The following ITPR1 variants were observed in gnomAD, a reference collection of about 807,000 sequenced individuals.
ITPR1 encodes inositol 1,4,5-trisphosphate receptor type 1, also known as inositol 1,4,5-trisphosphate-gated calcium channel ITPR1.
A neutral mutation model predicts 318.4 loss-of-function variants in ITPR1; 96 were observed. The ratio of observed to expected loss-of-function variants is 0.30; its 90% CI spans 0.26 to 0.36. ITPR1 has a LOEUF of 0.36. Among genes scored for constraint, ITPR1 ranks in the 10% least tolerant of loss-of-function variants. The pLI is 1.00. For synonymous variants in ITPR1, 1,312 were observed against 1,289.9 expected (o/e 1.02, Z -0.37); for missense variants, 2,440 against 3,460.2 (o/e 0.71, Z 7.40).
At chr3:4,525,029 G>A (rs953530277) in intron 4 of ITPR1, among the ~76,000 whole-genome samples, 2 of 152,090 alleles carry the variant, frequency 1.3e-5, no homozygotes, top group Non-Finnish European at 2.9e-5. Flanking sequence ...TTAGTACAGA[G>A]CCTGGTACTT....
At chr3:4,809,584 CT>C (rs1048539252) in intron 55 of ITPR1, among the ~76,000 whole-genome samples, 11 of 137,606 alleles carry the variant, frequency 8.0e-5, no homozygotes, top group African/African-American at 2.5e-4. Context: ...TTATTAGTGA[CT>C]TTTTTTCCTT....
chr3:4,545,117 A>AGCT (rs1045920137), intron 4 of ITPR1, among the ~76,000 whole-genome samples: 4 of 152,118 alleles, frequency 2.6e-5, no homozygotes, highest in Non-Finnish European at 5.9e-5. Flanking sequence ...ATGAATCAAA[A>AGCT]GCTCCCTGGT....
At chr3:4,725,643 C>G in intron 41 of ITPR1, 62 bp downstream of exon 41, 6 of 1,411,444 alleles carry the variant, frequency 4.3e-6, no homozygotes, top group Non-Finnish European at 6.0e-6. Context: ...TCTCAGTTGT[C>G]CTGGTTGGGT....
At chr3:4,524,078 A>T (rs2082775751) in intron 4 of ITPR1, among the ~76,000 whole-genome samples, 1 of 152,172 alleles carries the variant, frequency 6.6e-6, no homozygotes, top group East Asian at 1.9e-4. Flanking sequence ...AATCTGGTTC[A>T]AAACAAGCTC....
At chr3:4,816,772 C>G (rs2049330983) in intron 59 of ITPR1, among the ~76,000 whole-genome samples, 1 of 152,228 alleles carries the variant, frequency 6.6e-6, no homozygotes, top group African/African-American at 2.4e-5. Context: ...TTTGGAGAGA[C>G]ACTCTGTAAA....
intron 4 of ITPR1, among the ~76,000 whole-genome samples, chr3:4,538,788 A>G (rs749894404): frequency 2.6e-5 from 4 of 152,200 alleles, no homozygotes; most frequent in Admixed American, 6.5e-5. Flanking sequence ...AGAAAACCAA[A>G]CATTGCATGT....
At chr3:4,788,252 G>A in intron 52 of ITPR1, 113 bp downstream of exon 52, 1 of 865,820 alleles carries the variant, frequency 1.2e-6, no homozygotes, top group South Asian at 1.8e-5. Context: ...TATCATTTAT[G>A]ATACTTTGCA....
chr3:4,768,490 T>C, intron 45 of ITPR1, 21 bp from the exon 46 acceptor site: 1 of 1,589,250 alleles, frequency 6.3e-7, no homozygotes, highest in East Asian at 2.2e-5. Context: ...CAGCCTTTCA[T>C]GCCTTATGCT....
intron 50 of ITPR1, among the ~76,000 whole-genome samples, chr3:4,783,549 C>T (rs2046972552): frequency 6.6e-6 from 1 of 152,078 alleles, no homozygotes; most frequent in African/African-American, 2.4e-5. Context: ...ACACAGAAAG[C>T]CCCATCTCCC....
chr3:4,802,459 G>A (rs2048293604), intron 54 of ITPR1, among the ~76,000 whole-genome samples: 1 of 152,180 alleles, frequency 6.6e-6, no homozygotes, highest in Non-Finnish European at 1.5e-5. Flanking sequence ...GCGACGCTTT[G>A]ATTAGGTTTG....
rs963042376 is a variant in ITPR1, at chr3:4,627,701, T to C, written c.164-62T>C. The C allele has an allele frequency of 2.0e-5, 19 of 951,590 alleles. 1 individual carries two copies. The highest frequency in any genetic ancestry group is 4.2e-5 in the South Asian group (3 of 72,276). The allele number at this position is 951,590 out of a possible 1,614,324, so 58.9% of individuals were successfully genotyped here. ...TTTTAAGTGGAAAGCCTTTTTTTTT[T>C]CCTTAGGCTGAGTCTCTATACACCC... is the stretch of plus-strand genomic sequence containing the variant. On this transcript the variant is annotated intron_variant, in intron 4 of 61. Coordinates refer to ENST00000649015, the MANE Select transcript of ITPR1 (RefSeq NM_001378452.1).
At chr3:4,688,465 C>A (rs1433482896) in intron 30 of ITPR1, 30 bp from the exon 31 acceptor site, 7 of 1,610,654 alleles carry the variant, frequency 4.3e-6, no homozygotes, top group Non-Finnish European at 5.1e-6. Flanking sequence ...GCCCAGCAAT[C>A]AGTGCTTTCA....
intron 25 of ITPR1, 129 bp downstream of exon 25, chr3:4,680,820 C>T (rs2094283098): frequency 1.3e-6 from 1 of 770,568 alleles, no homozygotes; most frequent in Non-Finnish European, 2.0e-6. Flanking sequence ...AGGGCATCAT[C>T]CTGGCAGTTA....
chr3:4,658,710 A>G (rs750242366), intron 13 of ITPR1, among the ~76,000 whole-genome samples: 42 of 152,208 alleles, frequency 2.8e-4, no homozygotes, highest in African/African-American at 8.2e-4. Context: ...AAATTTTATT[A>G]ACAAGTATTG....
At chr3:4,722,591 A>G (rs1049742942) in intron 40 of ITPR1, among the ~76,000 whole-genome samples, 6 of 152,218 alleles carry the variant, frequency 3.9e-5, no homozygotes, top group Non-Finnish European at 4.4e-5. Context: ...TCCTATTAAT[A>G]TGCTTATATT....
At chr3:4,595,128 CGT>C (rs1231141086) in intron 4 of ITPR1, among the ~76,000 whole-genome samples, 1 of 152,100 alleles carries the variant, frequency 6.6e-6, no homozygotes, top group Admixed American at 6.6e-5. Flanking sequence ...CATAATGAAA[CGT>C]GTATTAGTCT....
intron 4 of ITPR1, among the ~76,000 whole-genome samples, chr3:4,553,080 G>A (rs2085731842): frequency 6.6e-6 from 1 of 152,164 alleles, no homozygotes; most frequent in Admixed American, 6.5e-5. Flanking sequence ...TTGAATGAGT[G>A]CACTATAAAG....
intron 4 of ITPR1, among the ~76,000 whole-genome samples, chr3:4,547,244 A>C (rs923474161): frequency 6.6e-6 from 1 of 152,140 alleles, no homozygotes; most frequent in Admixed American, 6.5e-5. Context: ...TTATTCTTAC[A>C]TCTTAGTTTT....
chr3:4,799,323 A>G (rs1363643363), intron 53 of ITPR1, among the ~76,000 whole-genome samples: 3 of 152,176 alleles, frequency 2.0e-5, no homozygotes, highest in African/African-American at 7.2e-5. Flanking sequence ...TTTCTGAGAA[A>G]CCTCTGCCTC....
Sources: allele counts gnomAD v4.1 joint callset (sites outside exome capture counted in the v4.1 genomes callset), GRCh38; gene constraint gnomAD v4.1.1; transcripts MANE v1.5; gene names NCBI Gene and HGNC (gene_info 2026-07-23, HGNC 2026-07-21).